Variants in CNTNAP2 observed in about 807,000 individuals in gnomAD.
CNTNAP2 encodes contactin associated protein 2.
CNTNAP2 carries 98 observed loss-of-function variants against 155.2 expected under a neutral mutation model. The observed-to-expected ratio is 0.63, with a 90% CI of 0.54 to 0.75. The LOEUF (loss-of-function observed/expected upper bound fraction) is 0.75. Ranked by LOEUF, CNTNAP2 falls within the 30% of genes least tolerant of loss-of-function variation. The pLI, the probability that CNTNAP2 is intolerant of heterozygous loss-of-function variation, is 0.00. For missense variants in CNTNAP2, 1,727 were observed against 1,688.1 expected, an observed-to-expected ratio of 1.02 and a Z score of -0.40; for synonymous variants, 651 against 631.2, an observed-to-expected ratio of 1.03 and a Z score of -0.47.
intron 1 of CNTNAP2, among the ~76,000 whole-genome samples, chr7:146,406,926 G>T (rs1442303855): frequency 6.6e-6 from 1 of 152,150 alleles, no homozygotes; most frequent in Non-Finnish European, 1.5e-5. Context: ...ATTTATGTCA[G>T]AAGTGTTTGA....
At chr7:147,405,686 A>G (rs190988914) in intron 10 of CNTNAP2, among the ~76,000 whole-genome samples, 304 of 152,320 alleles carry the variant, frequency 2.0e-3, no homozygotes, top group Non-Finnish European at 2.9e-3. Flanking sequence ...ATCAAATGTA[A>G]AAGTTTTAGA....
intron 1 of CNTNAP2, among the ~76,000 whole-genome samples, chr7:146,207,637 G>GT (rs57881187): frequency 0.16 from 19,321 of 122,200 alleles, 1,663 homozygotes; most frequent in Middle Eastern, 0.21. Flanking sequence ...ACAGGACTGT[G>GT]TTTTTTTTTT....
At chr7:146,760,722 G>C (rs1802083018) in intron 1 of CNTNAP2, among the ~76,000 whole-genome samples, 1 of 151,820 alleles carries the variant, frequency 6.6e-6, no homozygotes, top group Admixed American at 6.6e-5. Context: ...ACCACACCTG[G>C]AGACTACTAA....
chr7:148,086,935 G>T (rs559096105), intron 15 of CNTNAP2, among the ~76,000 whole-genome samples: 45 of 152,202 alleles, frequency 3.0e-4, no homozygotes, highest in African/African-American at 1.1e-3. Context: ...TTTGAGCAGT[G>T]TTGCAAATCC....
At chr7:146,169,656 T>G (rs1476464851) in intron 1 of CNTNAP2, among the ~76,000 whole-genome samples, 1 of 150,172 alleles carries the variant, frequency 6.7e-6, no homozygotes, top group Non-Finnish European at 1.5e-5. Context: ...CAACCACCCT[T>G]CTTCTGTTGC....
intron 1 of CNTNAP2, among the ~76,000 whole-genome samples, chr7:146,657,727 A>C (rs1280024129): frequency 2.0e-5 from 3 of 152,082 alleles, no homozygotes; most frequent in Admixed American, 6.6e-5. Flanking sequence ...TCCTGCAGGG[A>C]CTTCCATGAA....
chr7:146,338,965 C>T (rs930242028), intron 1 of CNTNAP2, among the ~76,000 whole-genome samples: 3 of 151,758 alleles, frequency 2.0e-5, no homozygotes, highest in African/African-American at 7.3e-5. Flanking sequence ...GGTGGATCAC[C>T]TGAGGTCAGG....
Position 146,446,318 on chromosome 7 carries a change from G to C in CNTNAP2, c.98-327953G>C, listed in dbSNP as rs114683742. On this transcript the variant is annotated intron_variant, in intron 1 of 23. Coordinates refer to ENST00000361727, the MANE Select transcript of CNTNAP2 (RefSeq NM_014141.6). Reference sequence around the variant, plus strand: ...AAGGACTAAACCAATTTAGAGGATCGTGGCTGTGAACATTTTAATATCCCA... The same window carrying C: ...AAGGACTAAACCAATTTAGAGGATCCTGGCTGTGAACATTTTAATATCCCA... Among the ~76,000 whole-genome samples, 487 of 152,208 alleles carry C rather than the reference G, an allele frequency of 3.2e-3. 2 individuals are homozygous for C. Among genetic ancestry groups the C allele is most frequent in the African/African-American group, 0.011 (473 of 41,546 alleles).
intron 1 of CNTNAP2, among the ~76,000 whole-genome samples, chr7:146,218,336 C>G (rs369151794): frequency 6.6e-6 from 1 of 152,026 alleles, no homozygotes; most frequent in South Asian, 2.1e-4. Context: ...GGTGAAACCC[C>G]GTCTCTACTA....
intron 12 of CNTNAP2, among the ~76,000 whole-genome samples, chr7:147,623,718 C>T (rs1794912404): frequency 6.6e-6 from 1 of 151,542 alleles, no homozygotes; most frequent in Admixed American, 6.6e-5. Flanking sequence ...TATGAAAATA[C>T]CAATGACATT....
intron 1 of CNTNAP2, among the ~76,000 whole-genome samples, chr7:146,411,408 G>C (rs1046504480): frequency 6.6e-6 from 1 of 151,890 alleles, no homozygotes; most frequent in East Asian, 1.9e-4. Context: ...TGCCAGCCTC[G>C]GCCTCCCAAA....
chr7:147,881,908 G>T (rs1799529529), intron 13 of CNTNAP2, among the ~76,000 whole-genome samples: 1 of 151,974 alleles, frequency 6.6e-6, no homozygotes, highest in African/African-American at 2.4e-5. Context: ...GGAAGCGGAG[G>T]TTGCAGTGAG....
chr7:147,927,072 A>G (rs1295656604), intron 14 of CNTNAP2, among the ~76,000 whole-genome samples: 2 of 152,252 alleles, frequency 1.3e-5, no homozygotes, highest in African/African-American at 4.8e-5. Context: ...ACAATATGAC[A>G]ATAAAACAAT....
intron 15 of CNTNAP2, among the ~76,000 whole-genome samples, chr7:148,061,988 TAGATAGATAGATAGATAGATGATAG>T (rs1803159021): frequency 7.5e-6 from 1 of 132,810 alleles, no homozygotes; most frequent in African/African-American, 3.1e-5. Flanking sequence ...GATAGATAGA[TAGATAGATAGATAGATAGATGATAG>T]AGAGAGAGAG....
intron 21 of CNTNAP2, among the ~76,000 whole-genome samples, chr7:148,369,941 CCT>C (rs1227384585): frequency 6.6e-6 from 1 of 152,030 alleles, no homozygotes; most frequent in Non-Finnish European, 1.5e-5. Context: ...AGTTTCGTAG[CCT>C]CTTATTCAAG....
chr7:147,489,656 C>T (rs1798571081), intron 11 of CNTNAP2, among the ~76,000 whole-genome samples: 4 of 152,162 alleles, frequency 2.6e-5, no homozygotes, highest in Admixed American at 2.6e-4. Context: ...TGCTCTGTCA[C>T]CCAGGCTTGA....
chr7:148,266,689 C>T (rs1796675834), intron 20 of CNTNAP2, among the ~76,000 whole-genome samples: 1 of 152,130 alleles, frequency 6.6e-6, no homozygotes. Flanking sequence ...GTGGCATATT[C>T]CCTATCAGAG....
chr7:148,088,868 C>T (rs1585119157), intron 15 of CNTNAP2, among the ~76,000 whole-genome samples: 2 of 151,936 alleles, frequency 1.3e-5, no homozygotes, highest in Non-Finnish European at 2.9e-5. Flanking sequence ...AAAAAAATTA[C>T]ATGCCCATAT....
At chr7:146,606,639 T>C (rs1186874827) in intron 1 of CNTNAP2, among the ~76,000 whole-genome samples, 1 of 152,224 alleles carries the variant, frequency 6.6e-6, no homozygotes, top group Non-Finnish European at 1.5e-5. Flanking sequence ...CAATATTTAA[T>C]TCAACAAGCA....
Sources: gnomAD v4.1 joint callset for allele counts (sites outside exome capture counted in the v4.1 genomes callset) on GRCh38, gnomAD v4.1.1 for gene constraint, MANE v1.5 for transcripts, NCBI Gene and HGNC (gene_info 2026-07-23, HGNC 2026-07-21) for gene names.